Variants in SYK observed in about 807,000 individuals in gnomAD.
SYK encodes the protein tyrosine-protein kinase SYK.
A neutral mutation model predicts 77.8 loss-of-function variants in SYK; 16 were observed. That is an observed-to-expected ratio of 0.21 (90% CI 0.14 to 0.31). SYK has a LOEUF of 0.31. Ranked by LOEUF, SYK falls within the 10% of genes least tolerant of loss-of-function variation. SYK has a pLI of 1.00. For synonymous variants in SYK, 312 were observed against 308.7 expected (o/e 1.01, Z -0.11); for missense variants, 529 against 814.4 (o/e 0.65, Z 4.26).
chr9:90,831,911 G>A (rs1019485879), intron 1 of SYK, among the ~76,000 whole-genome samples: 5 of 152,168 alleles, frequency 3.3e-5, no homozygotes, highest in Non-Finnish European at 5.9e-5. Flanking sequence ...ACTGTCTGGT[G>A]TCTCTAAGTG....
rs571816109 is a variant in SYK, at chr9:90,840,417, G to C, written c.-41-3441G>C. Among the ~76,000 whole-genome samples, 19 of 152,282 alleles carry C rather than the reference G, an allele frequency of 1.2e-4. No individual in the cohort carries two copies. The South Asian group carries it at 3.9e-3, about 32-fold the overall frequency. On this transcript the variant is annotated intron_variant, in intron 1 of 13. Coordinates refer to ENST00000375754, the MANE Select transcript of SYK (RefSeq NM_003177.7). ...AAAGGGTGGAGTGGGGGAAAAGCAGGCTGGGGGCAGTGGCTGGCCTGCAAC... is the reference window on the plus strand; with the variant it reads ...AAAGGGTGGAGTGGGGGAAAAGCAGCCTGGGGGCAGTGGCTGGCCTGCAAC...
intron 3 of SYK, among the ~76,000 whole-genome samples, chr9:90,846,543 C>T (rs1826602341): frequency 6.6e-6 from 1 of 152,186 alleles, no homozygotes; most frequent in Non-Finnish European, 1.5e-5. Flanking sequence ...CAGTGGCACG[C>T]ACCTGTAGTC....
At chr9:90,818,164 G>T (rs556772060) in intron 1 of SYK, among the ~76,000 whole-genome samples, 1 of 152,280 alleles carries the variant, frequency 6.6e-6, no homozygotes, top group South Asian at 2.1e-4. Flanking sequence ...GTGCCCACTG[G>T]TTCCATTTTA....
At chr9:90,839,945 G>A (rs1476815434) in intron 1 of SYK, among the ~76,000 whole-genome samples, 1 of 152,158 alleles carries the variant, frequency 6.6e-6, no homozygotes, top group Non-Finnish European at 1.5e-5. Flanking sequence ...GGGCATGTTG[G>A]AATAGGCAGG....
chr9:90,845,339 A>G (rs1826546189), intron 2 of SYK, 95 bp from the exon 3 acceptor site: 1 of 1,355,606 alleles, frequency 7.4e-7, no homozygotes, highest in Non-Finnish European at 1.0e-6. Context: ...ATCCTGTTTT[A>G]CCATGCCAGG....
chr9:90,858,538 GC>G (rs1286259083), intron 3 of SYK, among the ~76,000 whole-genome samples: 1 of 152,230 alleles, frequency 6.6e-6, no homozygotes, highest in African/African-American at 2.4e-5. Context: ...CTGTGTGCAC[GC>G]CCTCTCTGGG....
chr9:90,833,555 G>A (rs1413504391), intron 1 of SYK, among the ~76,000 whole-genome samples: 1 of 152,168 alleles, frequency 6.6e-6, no homozygotes, highest in African/African-American at 2.4e-5. Context: ...TGGACAGCTT[G>A]TTCAGCTGCT....
chr9:90,812,990 A>G (rs1458456701), intron 1 of SYK, among the ~76,000 whole-genome samples: 21 of 152,184 alleles, frequency 1.4e-4, no homozygotes, highest in Admixed American at 1.4e-3. Flanking sequence ...GAATATGTGC[A>G]CTGGTCAGAT....
intron 3 of SYK, 49 bp downstream of exon 3, chr9:90,845,643 A>T (rs368597841): frequency 1.8e-5 from 29 of 1,591,694 alleles, no homozygotes; most frequent in Non-Finnish European, 2.3e-5. Flanking sequence ...GCCTGTGTGG[A>T]CAATTGGGAA....
At position 90,857,409 on chromosome 9, in the gene SYK, G is replaced by A. The variant is rs183796380; in HGVS notation, c.579-4797G>A. 7.2e-4 allele frequency among the ~76,000 whole-genome samples: 109 copies of A among 152,342 alleles called. 1 individual carries two copies. Among genetic ancestry groups the A allele is most frequent in the Middle Eastern group, 6.8e-3 (2 of 294 alleles). ...AAGTCTCCTTGAAGCTGAAAGACAA[G>A]ATGCGTTAAATAATTCCACCTTCAT... On this transcript the variant is annotated intron_variant, in intron 3 of 13. Coordinates refer to ENST00000375754, the MANE Select transcript of SYK (RefSeq NM_003177.7).
chr9:90,865,097 GGTAA>G lies in SYK; in HGVS notation c.846+3_846+6del. 6.2e-7 allele frequency: 1 copy of G among 1,613,838 alleles called. No homozygotes were observed. Among genetic ancestry groups the G allele is most frequent in the Non-Finnish European group, 8.5e-7 (1 of 1,179,800 alleles). Reference sequence around the variant, plus strand: ...CACAACTTCCAGGTTCCCATCCTGCGGTAAGTGTCACTAGGAATACCACTGAATG... The same window carrying G: ...CACAACTTCCAGGTTCCCATCCTGCGGTGTCACTAGGAATACCACTGAATG... On this transcript the variant is annotated splice_donor_variant and splice_donor_region_variant and intron_variant, in intron 6 of 13. Coordinates refer to ENST00000375754, the MANE Select transcript of SYK (RefSeq NM_003177.7). LOFTEE classifies it high-confidence loss of function.
chr9:90,850,270 G>A (rs965163852), intron 3 of SYK, among the ~76,000 whole-genome samples: 2 of 152,200 alleles, frequency 1.3e-5, no homozygotes, highest in Non-Finnish European at 2.9e-5. Flanking sequence ...TGTAATCCCA[G>A]CACTTTGGGA....
intron 1 of SYK, among the ~76,000 whole-genome samples, chr9:90,810,868 G>C (rs928525638): frequency 5.3e-5 from 8 of 152,160 alleles, no homozygotes; most frequent in Non-Finnish European, 1.0e-4. Context: ...CCCAGACCCA[G>C]ATAATATGCA....
rs1462267745 is a variant in SYK at position 90,887,407 on chromosome 9, T to TTC, written c.1582-341_1582-340insCT. Among the ~76,000 whole-genome samples, 291 of 146,178 alleles carry TTC rather than the reference T, an allele frequency of 2.0e-3. 1 individual carries two copies. The highest frequency in any genetic ancestry group is 1.9e-3 in the Non-Finnish European group (124 of 66,144). ...CAATTTTATGCTTTTCTTTCTTTCT[T>TTC]TTTTTTTTTTTTTTGAGATGGAGTC... On this transcript the variant is annotated intron_variant, in intron 11 of 13. Coordinates refer to ENST00000375754, the MANE Select transcript of SYK (RefSeq NM_003177.7).
chr9:90,865,014 T>G, intron 5 of SYK, 34 bp from the exon 6 acceptor site: 1 of 1,608,356 alleles, frequency 6.2e-7, no homozygotes. Flanking sequence ...TTTCCTCAGA[T>G]AGAGCAGTAA....
chr9:90,846,053 G>C (rs1826580277), intron 3 of SYK, among the ~76,000 whole-genome samples: 1 of 152,232 alleles, frequency 6.6e-6, no homozygotes, highest in Admixed American at 6.5e-5. Flanking sequence ...TAGCATCCAT[G>C]AGTGGTGAGT....
rs1003877348 is a variant in SYK, at chr9:90,895,111, G to A, written c.1836-417G>A. Among the ~76,000 whole-genome samples, 1 of 152,198 alleles carries A rather than the reference G, an allele frequency of 6.6e-6. No individual in the cohort carries two copies. Among genetic ancestry groups the A allele is most frequent in the African/African-American group, 2.4e-5 (1 of 41,440 alleles). ...TATGAGTCAGATGTTGACTATATCT[G>A]CAGAACATTTGCCAAGTATTTTCAG... is the stretch of plus-strand genomic sequence containing the variant. On this transcript the variant is annotated intron_variant, in intron 13 of 13. Transcript: ENST00000375754. The surrounding 1 kb of genome is among the most constrained non-coding windows in gnomAD (Gnocchi z 4.4).
intron 3 of SYK, among the ~76,000 whole-genome samples, chr9:90,848,573 T>G (rs546445803): frequency 8.5e-5 from 13 of 152,210 alleles, no homozygotes; most frequent in African/African-American, 2.4e-4. Context: ...CCAGCTGCTG[T>G]TTTTTTCCCA....
chr9:90,854,994 T>TCACACACA (rs1287876789), intron 3 of SYK, among the ~76,000 whole-genome samples: 38 of 96,124 alleles, frequency 4.0e-4, no homozygotes, highest in Non-Finnish European at 6.7e-4. Flanking sequence ...TCTCTCTCTC[T>TCACACACA]CACACACACA....
Sources: allele counts gnomAD v4.1 joint callset (sites outside exome capture counted in the v4.1 genomes callset), GRCh38; gene constraint gnomAD v4.1.1; non-coding constraint Gnocchi (gnomAD v3.1); transcripts MANE v1.5; gene names NCBI Gene and HGNC (gene_info 2026-07-23, HGNC 2026-07-21).